The following NSD3 variants were observed in gnomAD, a reference collection of about 807,000 sequenced individuals.
NSD3 encodes nuclear receptor binding SET domain protein 3.
In NSD3, 24 loss-of-function variants were observed where a neutral mutation model predicts 160.8. That is an observed-to-expected ratio of 0.15 (90% confidence interval 0.11 to 0.21). The LOEUF (loss-of-function observed/expected upper bound fraction) is 0.21, where lower values mean the gene tolerates loss of function less well. Among genes scored for constraint, NSD3 ranks in the 10% least tolerant of loss-of-function variants. NSD3 has a pLI of 1.00. For missense variants in NSD3, 1,157 were observed against 1,735.9 expected (o/e 0.67, Z 5.93); for synonymous variants, 520 against 600.0 (o/e 0.87, Z 1.95).
rs374687948 is a variant in NSD3 at position 38,347,901 on chromosome 8, G to C, written c.271C>G (p.Gln91Glu). 3.7e-6 allele frequency: 6 copies of C among 1,614,106 alleles called. No individual in the cohort carries two copies. In the African/African-American group the frequency reaches 6.7e-5, roughly 18 times the overall value. Reference sequence around the variant, plus strand: ...CCATTGGCTGACCCATTAGGATACTGATTATATGACTGGTATTTGGTTTGA... The same window carrying C: ...CCATTGGCTGACCCATTAGGATACTCATTATATGACTGGTATTTGGTTTGA... ...ETQTKYQSYN[Q>E]YPNGSANGFG... The change falls in exon 2 of 24, where the codon CAG becomes GAG. Residue 91 changes from glutamine to glutamate, a missense_variant. Physicochemically the swap from Gln to Glu is conservative, Grantham distance 29. Coordinates refer to ENST00000317025, the MANE Select transcript of NSD3 (RefSeq NM_023034.2).
In NSD3 at chr8:38,275,516, C is replaced by T. The variant is rs1563338833; in HGVS notation, c.*125G>A. ...GCTTCTGCCTGCATGAACTGGTTTC[C>T]CATTTTTGCTTTAATAAGGCAGTTC... On this transcript the variant is annotated 3_prime_UTR_variant, in exon 24 of 24. Transcript: ENST00000317025. 1.1e-6 allele frequency: 1 copy of T among 893,586 alleles called. No homozygotes were observed. The highest frequency in any genetic ancestry group is 1.7e-6 in the Non-Finnish European group (1 of 599,726). The allele number at this position is 893,586 out of a possible 1,614,324, so 55.4% of individuals were successfully genotyped here.
At chr8:38,305,893 A>G (rs1319542195) in intron 12 of NSD3, among the ~76,000 whole-genome samples, 6 of 152,194 alleles carry the variant, frequency 3.9e-5, no homozygotes, top group Non-Finnish European at 5.9e-5. Context: ...TCTTATTCGA[A>G]CTATAGAAAA....
At position 38,329,975 on chromosome 8, in the gene NSD3, G is replaced by A. The variant is rs1445589215; in HGVS notation, c.1066-82C>T. ...TGATATGTATTTCCCATGTGATCCT[G>A]TTATCTTTTCAGGTCTACATAAATA... On this transcript the variant is annotated intron_variant, in intron 5 of 23. Coordinates refer to ENST00000317025, the MANE Select transcript of NSD3 (RefSeq NM_023034.2). This position sits in a 1 kb window ranked among gnomAD's most constrained non-coding sequence, Gnocchi z 4.8. 1 of 1,464,278 alleles carries A rather than the reference G, an allele frequency of 6.8e-7. No homozygotes were observed. Among genetic ancestry groups the A allele is most frequent in the African/African-American group, 1.4e-5 (1 of 70,794 alleles). The allele number at this position is 1,464,278 out of a possible 1,614,324, so 90.7% of individuals were successfully genotyped here. A position where few individuals can be genotyped will look rare whatever the true frequency, so the allele number is the denominator to read the frequency against.
At chr8:38,309,408 C>T (rs566726842) in intron 12 of NSD3, among the ~76,000 whole-genome samples, 1 of 152,252 alleles carries the variant, frequency 6.6e-6, no homozygotes, top group East Asian at 1.9e-4. Flanking sequence ...GTGGAGGTTG[C>T]AGTGAGCTGA....
At chr8:38,297,181 T>A (rs1352561564) in intron 15 of NSD3, among the ~76,000 whole-genome samples, 1 of 152,208 alleles carries the variant, frequency 6.6e-6, no homozygotes, top group Non-Finnish European at 1.5e-5. Flanking sequence ...TGAAGTACCA[T>A]ATGCAAGGAG....
At chr8:38,296,981 C>A (rs1268607639) in intron 15 of NSD3, among the ~76,000 whole-genome samples, 2 of 152,214 alleles carry the variant, frequency 1.3e-5, no homozygotes, top group East Asian at 1.9e-4. Context: ...CTAGTATTAT[C>A]CCATTAAATT....
intron 12 of NSD3, among the ~76,000 whole-genome samples, chr8:38,308,052 T>C (rs767882625): frequency 2.0e-5 from 3 of 152,240 alleles, no homozygotes; most frequent in Non-Finnish European, 4.4e-5. Context: ...CATCTGAATA[T>C]CATCTTTCGA....
intron 14 of NSD3, among the ~76,000 whole-genome samples, chr8:38,300,928 T>C (rs756861381): frequency 1.1e-4 from 16 of 152,320 alleles, no homozygotes; most frequent in South Asian, 4.1e-4. Flanking sequence ...CTGACCTAAA[T>C]AACAGAATGG....
intron 1 of NSD3, among the ~76,000 whole-genome samples, chr8:38,358,909 A>G (rs968146454): frequency 1.3e-5 from 2 of 150,010 alleles, no homozygotes; most frequent in African/African-American, 2.4e-5. Flanking sequence ...AAATGGGGGG[A>G]AAGGAACAGT....
At chr8:38,276,971 C>T (rs1808615516) in intron 22 of NSD3, among the ~76,000 whole-genome samples, 1 of 151,984 alleles carries the variant, frequency 6.6e-6, no homozygotes, top group African/African-American at 2.4e-5. Flanking sequence ...GAGACTGAGT[C>T]TCACTCTGTC....
At chr8:38,323,519 TAAAAAG>T (rs1809839445) in intron 7 of NSD3, among the ~76,000 whole-genome samples, 2 of 151,856 alleles carry the variant, frequency 1.3e-5, no homozygotes, top group South Asian at 4.2e-4. Context: ...AAATACTATA[TAAAAAG>T]AAAATGTTCA....
intron 7 of NSD3, among the ~76,000 whole-genome samples, chr8:38,325,172 G>A (rs919003945): frequency 6.6e-6 from 1 of 152,174 alleles, no homozygotes; most frequent in African/African-American, 2.4e-5. Context: ...TCTGAAGTGG[G>A]GGCAGTCTCA....
At chr8:38,294,925 C>T (rs897808835) in intron 16 of NSD3, among the ~76,000 whole-genome samples, 1 of 151,666 alleles carries the variant, frequency 6.6e-6, no homozygotes, top group Non-Finnish European at 1.5e-5. Flanking sequence ...AGGCGGATCA[C>T]AAGGTCAGGA....
At chr8:38,314,338 T>C (rs1433548549) in intron 12 of NSD3, among the ~76,000 whole-genome samples, 1 of 152,228 alleles carries the variant, frequency 6.6e-6, no homozygotes, top group Non-Finnish European at 1.5e-5. Context: ...AACCAATTTA[T>C]TGAGCCCCCA....
rs755292348 is a variant in NSD3 at position 38,321,192 on chromosome 8, CACAA to C, written c.1709-24_1709-21del. On this transcript the variant is annotated intron_variant, in intron 7 of 23. Coordinates refer to ENST00000317025, the MANE Select transcript of NSD3 (RefSeq NM_023034.2). This position sits in a 1 kb window ranked among gnomAD's most constrained non-coding sequence, Gnocchi z 4.7. ...CTGAGCCTAAGAAATGATTTAAACA[CACAA>C]ACAAAAACTCACTTAAGGATACCTT... The C allele has an allele frequency of 6.3e-7, 1 of 1,599,750 alleles. No individual in the cohort carries two copies. Among genetic ancestry groups the C allele is most frequent in the Middle Eastern group, 1.7e-4 (1 of 6,026 alleles).
chr8:38,276,543 G>A (rs776577956), intron 22 of NSD3, 43 bp from the exon 23 acceptor site: 1 of 1,605,364 alleles, frequency 6.2e-7, no homozygotes. Flanking sequence ...ATCACAGACA[G>A]TGCATGAAGC....
At chr8:38,374,111 T>G (rs956641806) in intron 1 of NSD3, among the ~76,000 whole-genome samples, 1 of 150,314 alleles carries the variant, frequency 6.7e-6, no homozygotes, top group African/African-American at 2.4e-5. Context: ...GAAGACCCTG[T>G]CTCAAAAAAA....
intron 2 of NSD3, among the ~76,000 whole-genome samples, chr8:38,342,556 T>C (rs1408446707): frequency 6.6e-6 from 1 of 152,046 alleles, no homozygotes; most frequent in African/African-American, 2.4e-5. Flanking sequence ...AATATTCCTT[T>C]ACAAATTTTA....
In NSD3 at chr8:38,273,349, A is replaced by AT. The variant is rs1333069069; in HGVS notation, c.*2291dup. 3.3e-5 allele frequency: 5 copies of AT among 152,084 alleles called. No homozygotes were observed. Among genetic ancestry groups the AT allele is most frequent in the African/African-American group, 4.8e-5 (2 of 41,362 alleles). The allele number at this position is 152,084 out of a possible 1,614,324, so 9.4% of individuals were successfully genotyped here. A position where few individuals can be genotyped will look rare whatever the true frequency, so the allele number is the denominator to read the frequency against. On this transcript the variant is annotated 3_prime_UTR_variant, in exon 24 of 24. Transcript: ENST00000317025. ...AAATGGTGAAACAATCCTATTAATC[A>AT]TAATTTTTTTTTAATTTCAGCAGAG...
Sources: gnomAD v4.1 joint callset for allele counts (sites outside exome capture counted in the v4.1 genomes callset) on GRCh38, gnomAD v4.1.1 for gene constraint, Gnocchi (gnomAD v3.1) non-coding constraint, MANE v1.5 for transcripts, NCBI Gene and HGNC (gene_info 2026-07-23, HGNC 2026-07-21) for gene names.